Variants in PTPRD observed in about 807,000 individuals in gnomAD.
The protein encoded by PTPRD is protein tyrosine phosphatase receptor type D, also known as receptor-type tyrosine-protein phosphatase delta.
PTPRD carries 34 observed loss-of-function variants against 214.5 expected under a neutral mutation model. That is an observed-to-expected ratio of 0.16 (90% CI 0.12 to 0.21). The LOEUF (loss-of-function observed/expected upper bound fraction) is 0.21. Among genes scored for constraint, PTPRD ranks in the 10% least tolerant of loss-of-function variants. PTPRD has a pLI of 1.00. For synonymous variants in PTPRD, 1,128 were observed against 845.7 expected, an observed-to-expected ratio of 1.33 and a Z score of -5.79; for missense variants, 2,545 against 2,398.7, an observed-to-expected ratio of 1.06 and a Z score of -1.27.
intron 8 of PTPRD, among the ~76,000 whole-genome samples, chr9:9,403,895 G>A (rs139356447): frequency 6.6e-6 from 1 of 152,038 alleles, no homozygotes; most frequent in South Asian, 2.1e-4. Context: ...TAGTGAAATG[G>A]AGAAAATAAA....
chr9:10,477,772 C>T (rs1432427268), intron 2 of PTPRD, among the ~76,000 whole-genome samples: 1 of 152,048 alleles, frequency 6.6e-6, no homozygotes, highest in Admixed American at 6.5e-5. Context: ...TAATGTGACA[C>T]ATATATACCA....
chr9:10,425,268 T>C (rs1340687207), intron 2 of PTPRD, among the ~76,000 whole-genome samples: 1 of 151,980 alleles, frequency 6.6e-6, no homozygotes, highest in Non-Finnish European at 1.5e-5. Context: ...GGTATTAAAA[T>C]GCTAAACAAA....
chr9:8,348,493 G>A (rs371298069), intron 39 of PTPRD, among the ~76,000 whole-genome samples: 86 of 152,084 alleles, frequency 5.7e-4, no homozygotes, highest in East Asian at 4.3e-3. Context: ...ATTGCTTCAC[G>A]GTCTTTGTTG....
intron 5 of PTPRD, among the ~76,000 whole-genome samples, chr9:9,823,968 T>C (rs1300979746): frequency 6.6e-6 from 1 of 151,988 alleles, no homozygotes; most frequent in Non-Finnish European, 1.5e-5. Context: ...TATCAAAATA[T>C]CACATGTACC....
chr9:9,457,270 A>C (rs58218957), intron 8 of PTPRD, among the ~76,000 whole-genome samples: 121 of 152,088 alleles, frequency 8.0e-4, no homozygotes, highest in African/African-American at 2.9e-3. Flanking sequence ...AATAAACCCC[A>C]AAAAACCCTA....
intron 9 of PTPRD, among the ~76,000 whole-genome samples, chr9:9,267,517 T>G (rs891579078): frequency 4.6e-5 from 7 of 151,086 alleles, no homozygotes; most frequent in Non-Finnish European, 7.4e-5. Flanking sequence ...TACAAGAAAT[T>G]GAAGGAAACA....
chr9:10,474,850 A>T (rs1210546722), intron 2 of PTPRD, among the ~76,000 whole-genome samples: 1 of 152,194 alleles, frequency 6.6e-6, no homozygotes, highest in Non-Finnish European at 1.5e-5. Context: ...CCACAGAACT[A>T]CATGGAAACT....
chr9:9,752,054 G>C (rs537318059), intron 6 of PTPRD, among the ~76,000 whole-genome samples: 2 of 152,168 alleles, frequency 1.3e-5, no homozygotes, highest in South Asian at 4.1e-4. Context: ...AAATATTCCA[G>C]TGGTAAGTCA....
intron 12 of PTPRD, among the ~76,000 whole-genome samples, chr9:8,664,481 A>G (rs1307370586): frequency 2.0e-5 from 3 of 152,182 alleles, no homozygotes; most frequent in African/African-American, 7.2e-5. Context: ...CCTGATATCA[A>G]ACTGCACACC....
intron 7 of PTPRD, among the ~76,000 whole-genome samples, chr9:9,616,823 T>A (rs1367197490): frequency 1.3e-5 from 2 of 152,220 alleles, no homozygotes; most frequent in African/African-American, 2.4e-5. Context: ...ATAATTTTTT[T>A]AAAATTTCAT....
intron 3 of PTPRD, among the ~76,000 whole-genome samples, chr9:10,073,612 G>C (rs2098076510): frequency 6.6e-6 from 1 of 152,086 alleles, no homozygotes; most frequent in Admixed American, 6.6e-5. Flanking sequence ...AAGATGGTTG[G>C]TGACTAGTTC....
At chr9:9,940,354 G>C (rs537215427) in intron 4 of PTPRD, among the ~76,000 whole-genome samples, 22 of 152,232 alleles carry the variant, frequency 1.4e-4, no homozygotes, top group African/African-American at 4.8e-4. Context: ...CTGGAAGCCT[G>C]AGTGCTTTGG....
chr9:8,967,144 AC>A lies in PTPRD; in HGVS notation c.-104+51552del, dbSNP rs1367431957. Among the ~76,000 whole-genome samples, 35 of 152,074 alleles carry A rather than the reference AC, an allele frequency of 2.3e-4. 1 individual carries two copies. The highest frequency in any genetic ancestry group is 5.3e-4 in the African/African-American group (22 of 41,502). ...ACAATTATTAAAGTAAAAAAAAAAA[AC>A]AATAGATGTTGGTGAGGTTGTGGAA... On this transcript the variant is annotated intron_variant, in intron 11 of 45. Transcript: ENST00000381196.
At chr9:8,476,213 A>G (rs1057405700) in intron 30 of PTPRD, among the ~76,000 whole-genome samples, 3 of 152,120 alleles carry the variant, frequency 2.0e-5, no homozygotes, top group African/African-American at 7.2e-5. Flanking sequence ...AAACTGTTCC[A>G]CCTCAGATCA....
chr9:8,510,790 G>C (rs72694758), intron 21 of PTPRD, among the ~76,000 whole-genome samples: 311 of 152,130 alleles, frequency 2.0e-3, no homozygotes, highest in Non-Finnish European at 3.8e-3. Context: ...TGAAGCTGAG[G>C]ACACAAAGGA....
At chr9:9,223,039 T>A (rs1368002012) in intron 9 of PTPRD, among the ~76,000 whole-genome samples, 1 of 152,010 alleles carries the variant, frequency 6.6e-6, no homozygotes, top group East Asian at 1.9e-4. Flanking sequence ...GTGTTTTAAA[T>A]CTGAACTACA....
rs1006371104 is a variant in PTPRD, at chr9:10,567,927, AT to A, written c.-600+44470del. On this transcript the variant is annotated intron_variant, in intron 2 of 45. Coordinates refer to ENST00000381196, the MANE Select transcript of PTPRD (RefSeq NM_002839.4). ...ATAATATATCATTGTTTTATTTTTT[AT>A]TTTTTTATTTTTTATTTTATTTATT... 2.7e-5 allele frequency among the ~76,000 whole-genome samples: 4 copies of A among 150,384 alleles called. 1 individual carries two copies. The South Asian group carries it at 6.4e-4, about 24-fold the overall frequency.
chr9:10,387,771 C>T (rs58845182), intron 2 of PTPRD, among the ~76,000 whole-genome samples: 6,019 of 138,668 alleles, frequency 0.043, 411 homozygotes, highest in African/African-American at 0.15. Flanking sequence ...CTGAGCTAGT[C>T]ATTACTGATA....
chr9:9,736,210 T>G (rs1383311547), intron 6 of PTPRD, among the ~76,000 whole-genome samples: 1 of 152,130 alleles, frequency 6.6e-6, no homozygotes, highest in Non-Finnish European at 1.5e-5. Flanking sequence ...TATCTGTATT[T>G]GTCAAAGTAT....
Sources: gnomAD v4.1 joint callset for allele counts (sites outside exome capture counted in the v4.1 genomes callset) on GRCh38, gnomAD v4.1.1 for gene constraint, MANE v1.5 for transcripts, NCBI Gene and HGNC (gene_info 2026-07-23, HGNC 2026-07-21) for gene names.